The following GTF2F2 variants were observed in gnomAD, a reference collection of about 807,000 sequenced individuals.
GTF2F2 encodes ATP-dependent helicase GTF2F2.
Under a neutral mutation model 42.2 loss-of-function variants are expected in GTF2F2, and 23 were observed. The ratio of observed to expected loss-of-function variants is 0.55; its 90% CI spans 0.39 to 0.77. The LOEUF (loss-of-function observed/expected upper bound fraction) is 0.77, where lower values mean the gene tolerates loss of function less well. Among genes scored for constraint, GTF2F2 ranks in the 30% least tolerant of loss-of-function variants. GTF2F2 has a pLI of 0.00. For synonymous variants in GTF2F2, 105 were observed against 100.8 expected (o/e 1.04, Z -0.25); for missense variants, 261 against 287.2 (o/e 0.91, Z 0.66).
intron 7 of GTF2F2, among the ~76,000 whole-genome samples, chr13:45,280,532 CT>C (rs953408372): frequency 5.9e-5 from 9 of 152,318 alleles, no homozygotes; most frequent in East Asian, 1.9e-4. Context: ...CCCCTACCCC[CT>C]GATCACAGTA....
At chr13:45,181,212 ACCAAAGGTG>A (rs1403746887) in intron 4 of GTF2F2, among the ~76,000 whole-genome samples, 1 of 151,376 alleles carries the variant, frequency 6.6e-6, no homozygotes, top group Non-Finnish European at 1.5e-5. Flanking sequence ...AACCAGAAAA[ACCAAAGGTG>A]ATATCCAGAT....
chr13:45,187,998 T>C (rs1427405083), intron 4 of GTF2F2, among the ~76,000 whole-genome samples: 1 of 152,188 alleles, frequency 6.6e-6, no homozygotes, highest in East Asian at 1.9e-4. Context: ...AACCACCTCC[T>C]GGGTTCTAGC....
intron 5 of GTF2F2, among the ~76,000 whole-genome samples, chr13:45,225,613 A>AC (rs1166150883): frequency 6.8e-5 from 10 of 146,092 alleles, no homozygotes; most frequent in Non-Finnish European, 1.1e-4. Flanking sequence ...CTCTGTCTCA[A>AC]AAAAAAAAAA....
intron 7 of GTF2F2, among the ~76,000 whole-genome samples, chr13:45,279,870 A>G (rs1176022945): frequency 6.6e-6 from 1 of 151,816 alleles, no homozygotes; most frequent in Admixed American, 6.6e-5. Context: ...ATGCCATTGC[A>G]CTCCAGCCTG....
intron 7 of GTF2F2, among the ~76,000 whole-genome samples, chr13:45,275,368 A>G (rs944708467): frequency 3.9e-5 from 6 of 152,016 alleles, no homozygotes; most frequent in African/African-American, 1.4e-4. Context: ...TTTGTTACAT[A>G]TGTTTACATG....
intron 4 of GTF2F2, among the ~76,000 whole-genome samples, chr13:45,199,104 C>T (rs1437315780): frequency 6.6e-6 from 1 of 152,208 alleles, no homozygotes; most frequent in Non-Finnish European, 1.5e-5. Flanking sequence ...GTGCCAAGTA[C>T]TTGAACCTTC....
chr13:45,130,113 A>G (rs566103048), intron 1 of GTF2F2, among the ~76,000 whole-genome samples: 1 of 152,372 alleles, frequency 6.6e-6, no homozygotes, highest in East Asian at 1.9e-4. Flanking sequence ...CTAAGACATT[A>G]TAGGAGTTTT....
intron 6 of GTF2F2, among the ~76,000 whole-genome samples, chr13:45,258,351 C>T (rs989375122): frequency 6.6e-6 from 1 of 151,270 alleles, no homozygotes; most frequent in African/African-American, 2.4e-5. Context: ...TGCAGAGGTG[C>T]TCCTGCAATA....
At chr13:45,130,680 G>T (rs905120794) in intron 1 of GTF2F2, among the ~76,000 whole-genome samples, 1 of 152,166 alleles carries the variant, frequency 6.6e-6, no homozygotes, top group Non-Finnish European at 1.5e-5. Flanking sequence ...TATTCAGGAT[G>T]ACTCCAAGGT....
At chr13:45,156,053 G>C (rs1870742225) in intron 4 of GTF2F2, among the ~76,000 whole-genome samples, 1 of 152,012 alleles carries the variant, frequency 6.6e-6, no homozygotes, top group Non-Finnish European at 1.5e-5. Flanking sequence ...TCCCACCTCA[G>C]CCTCCTGAGT....
intron 5 of GTF2F2, among the ~76,000 whole-genome samples, chr13:45,251,622 A>C (rs1019736833): frequency 6.6e-6 from 1 of 152,076 alleles, no homozygotes; most frequent in African/African-American, 2.4e-5. Flanking sequence ...AATTAAAGGC[A>C]ATTTTCTAAC....
rs766082168 is a variant in GTF2F2, at chr13:45,283,608, A to G, written c.*47A>G. 7.2e-6 allele frequency: 11 copies of G among 1,526,182 alleles called. No individual in the cohort carries two copies. The highest frequency in any genetic ancestry group is 2.1e-5 in the Admixed American group (1 of 47,612). 94.5% of individuals were successfully genotyped at this position (1,526,182 alleles called of 1,614,324 possible). ...TAGTGAAACGACTAGCAGCGATGCTATGCAAAAGGCGCTGATACTGGAAGG... is the reference window on the plus strand; with the variant it reads ...TAGTGAAACGACTAGCAGCGATGCTGTGCAAAAGGCGCTGATACTGGAAGG... On this transcript the variant is annotated 3_prime_UTR_variant, in exon 8 of 8. Transcript: ENST00000340473.
chr13:45,127,859 C>T (rs1869108878), intron 1 of GTF2F2, among the ~76,000 whole-genome samples: 1 of 145,392 alleles, frequency 6.9e-6, no homozygotes, highest in South Asian at 2.2e-4. Flanking sequence ...ACTCGAACTC[C>T]TGACCTTGTG....
chr13:45,122,581 C>T lies in GTF2F2; in HGVS notation c.66+1860C>T, dbSNP rs577732309. Among the ~76,000 whole-genome samples the T allele has an allele frequency of 1.6e-4, 24 of 152,148 alleles. No individual in the cohort carries two copies. The South Asian group carries it at 3.5e-3, about 22-fold the overall frequency. On this transcript the variant is annotated intron_variant, in intron 1 of 7. Transcript: ENST00000340473. ...ACCGGGAGACGGAGGTTGCAGTGAGCCGAGATTGCTCCGTTGCACTCCAGC... is the reference window on the plus strand; with the variant it reads ...ACCGGGAGACGGAGGTTGCAGTGAGTCGAGATTGCTCCGTTGCACTCCAGC...
At chr13:45,196,161 GATC>G (rs1872881057) in intron 4 of GTF2F2, among the ~76,000 whole-genome samples, 1 of 152,122 alleles carries the variant, frequency 6.6e-6, no homozygotes, top group Non-Finnish European at 1.5e-5. Context: ...GTATTATTGA[GATC>G]AAAAGTTCGT....
chr13:45,127,938 C>CTT (rs1161627204), intron 1 of GTF2F2, among the ~76,000 whole-genome samples: 1,253 of 48,510 alleles, frequency 0.026, 162 homozygotes, highest in African/African-American at 0.038. Context: ...GCACCCCGGC[C>CTT]TTTTTTTTTT....
At chr13:45,242,207 T>C (rs996617953) in intron 5 of GTF2F2, among the ~76,000 whole-genome samples, 3 of 151,548 alleles carry the variant, frequency 2.0e-5, no homozygotes, top group African/African-American at 7.3e-5. Flanking sequence ...ACCTGGCCTT[T>C]CTCCTGGCCT....
chr13:45,153,072 A>C (rs1433365461), intron 4 of GTF2F2, among the ~76,000 whole-genome samples: 1 of 148,538 alleles, frequency 6.7e-6, no homozygotes, highest in Non-Finnish European at 1.5e-5. Flanking sequence ...TGCAGTGGAG[A>C]GATCTCGGCT....
At chr13:45,234,214 TATA>T (rs1297929185) in intron 5 of GTF2F2, among the ~76,000 whole-genome samples, 17 of 152,226 alleles carry the variant, frequency 1.1e-4, no homozygotes, top group Admixed American at 3.3e-4. Context: ...GTTTTGGTCC[TATA>T]ATAATAGTCA....
Sources: gnomAD v4.1 joint callset for allele counts (sites outside exome capture counted in the v4.1 genomes callset) on GRCh38, gnomAD v4.1.1 for gene constraint, MANE v1.5 for transcripts, NCBI Gene and HGNC (gene_info 2026-07-23, HGNC 2026-07-21) for gene names.